Variants in NNT observed in about 807,000 individuals in gnomAD.
NNT encodes the protein nicotinamide nucleotide transhydrogenase.
NNT carries 50 observed loss-of-function variants against 104.8 expected under a neutral mutation model. The observed-to-expected ratio is 0.48, with a 90% CI of 0.38 to 0.60. The LOEUF is 0.60. Ranked by LOEUF, NNT falls within the 20% of genes least tolerant of loss-of-function variation. The probability of loss-of-function intolerance (pLI) is 0.00; values close to 1 mark genes in which losing one functional copy is unlikely to be tolerated. For missense variants in NNT, 1,131 were observed against 1,330.7 expected, an observed-to-expected ratio of 0.85 and a Z score of 2.33; for synonymous variants, 461 against 490.4, an observed-to-expected ratio of 0.94 and a Z score of 0.79.
chr5:43,630,534 T>C (rs1750619986), intron 7 of NNT, among the ~76,000 whole-genome samples: 2 of 152,358 alleles, frequency 1.3e-5, no homozygotes, highest in South Asian at 4.1e-4. Flanking sequence ...TTAAATTATT[T>C]CCTTTGACAT....
intron 5 of NNT, among the ~76,000 whole-genome samples, chr5:43,623,688 AC>A (rs1317396119): frequency 2.0e-5 from 3 of 152,198 alleles, no homozygotes; most frequent in Non-Finnish European, 4.4e-5. Flanking sequence ...AGTAGAAGGA[AC>A]TTTTAGACAG....
chr5:43,608,439 A>T (rs773989847), intron 1 of NNT, among the ~76,000 whole-genome samples: 2 of 152,246 alleles, frequency 1.3e-5, no homozygotes, highest in African/African-American at 4.8e-5. Context: ...AACCACTGAC[A>T]AAACAGTTCA....
At chr5:43,609,007 A>G in intron 1 of NNT, 136 bp from the exon 2 acceptor site, 1 of 442,068 alleles carries the variant, frequency 2.3e-6, no homozygotes. Flanking sequence ...CTTGGCAAAT[A>G]AATTCTTTAT....
intron 16 of NNT, among the ~76,000 whole-genome samples, chr5:43,657,722 T>A (rs552223646): frequency 6.6e-6 from 1 of 152,338 alleles, no homozygotes; most frequent in South Asian, 2.1e-4. Flanking sequence ...ATATTCACAC[T>A]CATGGTCTAA....
At chr5:43,693,873 C>G (rs1742417808) in intron 19 of NNT, among the ~76,000 whole-genome samples, 1 of 152,174 alleles carries the variant, frequency 6.6e-6, no homozygotes, top group Non-Finnish European at 1.5e-5. Context: ...AAACTGTCAA[C>G]AACCCACTGA....
At chr5:43,699,035 C>A (rs1184668961) in intron 19 of NNT, among the ~76,000 whole-genome samples, 2 of 152,034 alleles carry the variant, frequency 1.3e-5, no homozygotes, top group African/African-American at 4.8e-5. Context: ...TTCATTCATT[C>A]ATTCACTTCT....
chr5:43,700,310 A>G, intron 20 of NNT, 73 bp downstream of exon 20: 2 of 1,075,038 alleles, frequency 1.9e-6, no homozygotes, highest in Non-Finnish European at 2.8e-6. Context: ...TGGGATATGA[A>G]TTGTAGATTC....
At chr5:43,656,853 A>G (rs1191154882) in intron 16 of NNT, 40 bp downstream of exon 16, 1 of 1,558,208 alleles carries the variant, frequency 6.4e-7, no homozygotes, top group East Asian at 2.3e-5. Context: ...TTTGGTGAAG[A>G]ACTGGGAATA....
chr5:43,609,117 A>G lies in NNT; in HGVS notation c.-53-26A>G. 2.6e-6 allele frequency: 3 copies of G among 1,141,556 alleles called. No individual in the cohort carries two copies. The South Asian group carries it at 4.5e-5, about 17-fold the overall frequency. The allele number at this position is 1,141,556 out of a possible 1,614,324, so 70.7% of individuals were successfully genotyped here. On this transcript the variant is annotated intron_variant, in intron 1 of 21. Transcript: ENST00000344920. ...ACAAATAGTTTTTTTCTTGGCATAT[A>G]TACATCCTATTTTCTTTTTTCTTAG...
chr5:43,630,632 A>AGAGTACAT (rs1451932486), intron 7 of NNT, among the ~76,000 whole-genome samples: 4 of 152,226 alleles, frequency 2.6e-5, no homozygotes, highest in Non-Finnish European at 5.9e-5. Flanking sequence ...TTTTGTACTC[A>AGAGTACAT]GTGCATGACT....
At chr5:43,626,694 A>C (rs552430467) in intron 6 of NNT, among the ~76,000 whole-genome samples, 4 of 151,784 alleles carry the variant, frequency 2.6e-5, no homozygotes, top group African/African-American at 9.6e-5. Context: ...TATCAGCCAG[A>C]TATAATTGCT....
chr5:43,679,340 T>G (rs1027223724), intron 19 of NNT, among the ~76,000 whole-genome samples: 5 of 152,178 alleles, frequency 3.3e-5, no homozygotes, highest in African/African-American at 1.2e-4. Context: ...TGGGTGGCAA[T>G]CATAATAGAG....
At chr5:43,689,318 TC>T (rs1252915693) in intron 19 of NNT, among the ~76,000 whole-genome samples, 1 of 152,224 alleles carries the variant, frequency 6.6e-6, no homozygotes, top group Non-Finnish European at 1.5e-5. Flanking sequence ...TTGAAGATTT[TC>T]TCCCACTCTG....
intron 7 of NNT, among the ~76,000 whole-genome samples, chr5:43,636,280 G>A (rs1478761085): frequency 1.3e-5 from 2 of 152,152 alleles, no homozygotes; most frequent in African/African-American, 4.8e-5. Flanking sequence ...AAATCTTACT[G>A]ACTTTTGCAA....
intron 3 of NNT, among the ~76,000 whole-genome samples, chr5:43,614,994 G>A (rs1487659189): frequency 3.3e-5 from 5 of 151,286 alleles, no homozygotes; most frequent in Admixed American, 1.3e-4. Context: ...AAAATTAGCC[G>A]GGCGCGGTGG....
At chr5:43,691,225 G>A (rs143624174) in intron 19 of NNT, among the ~76,000 whole-genome samples, 2 of 152,080 alleles carry the variant, frequency 1.3e-5, no homozygotes, top group East Asian at 1.9e-4. Flanking sequence ...TCTGCCTCCC[G>A]AGTTAGCTGG....
At position 43,653,198 on chromosome 5, in the gene NNT, T is replaced by C. The variant is rs1485245827; in HGVS notation, c.2044T>C (p.Leu682=). The change falls in exon 14 of 22, where the codon TTG becomes CTG. Residue 682 remains leucine, a synonymous_variant. Transcript: ENST00000344920. ...LLAQMSGAMA[L]GGTIGLTIAK... ...AGCTCAGATGTCTGGAGCGATGGCT[T>C]TGGGTGGTACCATTGGTAAGCACTT... 10 of 1,613,854 alleles carry C rather than the reference T, an allele frequency of 6.2e-6. No homozygotes were observed. Among genetic ancestry groups the C allele is most frequent in the Non-Finnish European group, 7.6e-6 (9 of 1,179,804 alleles).
At chr5:43,651,532 C>T (rs947274889) in intron 12 of NNT, among the ~76,000 whole-genome samples, 12 of 151,976 alleles carry the variant, frequency 7.9e-5, no homozygotes, top group Middle Eastern at 3.4e-3. Context: ...GAGCCAAGAT[C>T]GTGTCACTGC....
Position 43,675,568 on chromosome 5 carries a change from G to A in NNT, c.2692G>A (p.Ala898Thr). 1 of 1,613,660 alleles carries A rather than the reference G, an allele frequency of 6.2e-7. No homozygotes were observed. The highest frequency in any genetic ancestry group is 1.1e-5 in the South Asian group (1 of 91,004). The change falls in exon 18 of 22, where the codon GCT (alanine) becomes ACT (threonine). Residue 898 changes from alanine to threonine, a missense_variant. Physicochemically the swap from Ala to Thr is moderately conservative, Grantham distance 58. Transcript: ENST00000344920. ...ILGGYGTTST[A>T]GGKPMEISGT... ...TGGAGGCTATGGCACCACTTCAACA[G>A]CTGGTGGAAAACCCATGGAAATTTC...
Sources: gnomAD v4.1 joint callset for allele counts (sites outside exome capture counted in the v4.1 genomes callset) on GRCh38, gnomAD v4.1.1 for gene constraint, MANE v1.5 for transcripts, NCBI Gene and HGNC (gene_info 2026-07-23, HGNC 2026-07-21) for gene names.